NRXN3: variants seen among roughly 807,000 people sequenced by gnomAD.
NRXN3 encodes the protein neurexin III.
In NRXN3, 32 loss-of-function variants were observed where a neutral mutation model predicts 137.6. That is an observed-to-expected ratio of 0.23 (90% confidence interval 0.18 to 0.31). NRXN3 has a LOEUF of 0.31. NRXN3 is among the 10% of genes least tolerant of loss of function. NRXN3 has a pLI of 1.00. For synonymous variants in NRXN3, 798 were observed against 784.5 expected, an observed-to-expected ratio of 1.02 and a Z score of -0.29; for missense variants, 1,574 against 2,062.5, an observed-to-expected ratio of 0.76 and a Z score of 4.59.
intron 4 of NRXN3, among the ~76,000 whole-genome samples, chr14:78,603,787 G>A (rs999398273): frequency 6.6e-6 from 1 of 152,110 alleles, no homozygotes; most frequent in Admixed American, 6.5e-5. Flanking sequence ...GGAGCACCTA[G>A]ACTAGCCCCA....
intron 16 of NRXN3, among the ~76,000 whole-genome samples, chr14:79,559,814 T>C (rs2097471633): frequency 6.6e-6 from 1 of 152,206 alleles, no homozygotes; most frequent in Non-Finnish European, 1.5e-5. Flanking sequence ...AGTAGTTGGA[T>C]AAATTGTTTG....
At position 78,243,267 on chromosome 14, in the gene NRXN3, C is replaced by T. The variant is rs573496705; in HGVS notation, c.174C>T (p.Asn58=). Residue 58 remains asparagine (N), a synonymous_variant, in exon 2 of 21, where the codon AAC becomes AAT. Coordinates refer to ENST00000335750, the MANE Select transcript of NRXN3 (RefSeq NM_001330195.2). The surrounding 1 kb of genome is among the most constrained non-coding windows in gnomAD (Gnocchi z 4.2). ...RSDLSFQFKT[N]VSTGLLLYLD... ...ACCTGAGTTTCCAGTTCAAGACCAA[C>T]GTCTCTACGGGGCTGCTCCTCTACC... 13 of 1,560,420 alleles carry T rather than the reference C, an allele frequency of 8.3e-6. No individual in the cohort carries two copies. The highest frequency in any genetic ancestry group is 1.7e-4 in the Middle Eastern group (1 of 6,022).
intron 15 of NRXN3, among the ~76,000 whole-genome samples, chr14:79,011,506 C>T (rs906009649): frequency 6.6e-6 from 1 of 151,334 alleles, no homozygotes; most frequent in African/African-American, 2.4e-5. Flanking sequence ...TGGGTTTTCT[C>T]TATCATTATC....
chr14:79,727,014 AT>A (rs1397237142), intron 19 of NRXN3, among the ~76,000 whole-genome samples: 3 of 152,176 alleles, frequency 2.0e-5, no homozygotes, highest in Non-Finnish European at 2.9e-5. Context: ...AGTACCTAGC[AT>A]AGTATCTGGC....
chr14:79,806,419 C>G (rs1218767550), intron 20 of NRXN3, among the ~76,000 whole-genome samples: 1 of 152,084 alleles, frequency 6.6e-6, no homozygotes, highest in African/African-American at 2.4e-5. Context: ...TAGTATGACA[C>G]AGGGACACAT....
chr14:78,506,478 A>G (rs546577350), intron 4 of NRXN3, among the ~76,000 whole-genome samples: 32 of 151,994 alleles, frequency 2.1e-4, no homozygotes, highest in Middle Eastern at 3.4e-3. Flanking sequence ...TTTATTTTTA[A>G]TCTTTTGAGT....
chr14:78,974,839 A>T (rs1411375170), intron 14 of NRXN3, among the ~76,000 whole-genome samples: 2 of 152,182 alleles, frequency 1.3e-5, no homozygotes, highest in Admixed American at 1.3e-4. Context: ...ATTACCATGA[A>T]GTATGAAGGG....
chr14:78,830,286 C>T (rs2098978122), intron 10 of NRXN3, among the ~76,000 whole-genome samples: 1 of 152,030 alleles, frequency 6.6e-6, no homozygotes, highest in Non-Finnish European at 1.5e-5. Context: ...ATAGGCTTGA[C>T]AAACTGGTGA....
intron 6 of NRXN3, among the ~76,000 whole-genome samples, chr14:78,707,983 C>T (rs1388776330): frequency 2.0e-5 from 3 of 152,186 alleles, no homozygotes; most frequent in Non-Finnish European, 4.4e-5. Context: ...CACAATTTTG[C>T]AATTGGAAAT....
intron 15 of NRXN3, among the ~76,000 whole-genome samples, chr14:79,057,868 G>GT (rs1171564564): frequency 1.3e-5 from 2 of 151,796 alleles, no homozygotes; most frequent in East Asian, 1.9e-4. Flanking sequence ...ATGAGACGAG[G>GT]TTAAAAAAAA....
intron 15 of NRXN3, among the ~76,000 whole-genome samples, chr14:79,316,721 G>T (rs2088797723): frequency 7.9e-6 from 1 of 125,958 alleles, no homozygotes; most frequent in East Asian, 2.2e-4. Context: ...CATGTAATCT[G>T]TCCTGTCCCT....
At chr14:78,621,186 A>T (rs1338615011) in intron 4 of NRXN3, among the ~76,000 whole-genome samples, 1 of 152,168 alleles carries the variant, frequency 6.6e-6, no homozygotes, top group Non-Finnish European at 1.5e-5. Flanking sequence ...TGGCTCTTGC[A>T]TGGTCCACAT....
At chr14:79,448,306 C>G (rs2096100929) in intron 15 of NRXN3, among the ~76,000 whole-genome samples, 1 of 152,212 alleles carries the variant, frequency 6.6e-6, no homozygotes, top group South Asian at 2.1e-4. Context: ...CCCTTCCCAA[C>G]CCATTCTAAA....
intron 7 of NRXN3, among the ~76,000 whole-genome samples, chr14:78,713,721 C>T (rs530234611): frequency 7.2e-5 from 11 of 152,198 alleles, no homozygotes; most frequent in Non-Finnish European, 1.6e-4. Context: ...ACACGTCCTT[C>T]TTCATATGGC....
chr14:78,513,430 G>A lies in NRXN3; in HGVS notation c.758-131690G>A, dbSNP rs937804890. 2.0e-5 allele frequency among the ~76,000 whole-genome samples: 3 copies of A among 152,124 alleles called. No homozygotes were observed. In the East Asian group the frequency reaches 5.8e-4, roughly 29 times the overall value. ...AGGAAGGGTAGATTAGAGAGCAGGA[G>A]ATAGTGAAAAATTACAGTTATTTCA... On this transcript the variant is annotated intron_variant, in intron 4 of 20. Coordinates refer to ENST00000335750, the MANE Select transcript of NRXN3 (RefSeq NM_001330195.2).
chr14:79,807,952 C>G (rs1348606656), intron 20 of NRXN3, among the ~76,000 whole-genome samples: 3 of 152,034 alleles, frequency 2.0e-5, no homozygotes, highest in Non-Finnish European at 1.5e-5. Flanking sequence ...CCCAGAGGAC[C>G]TGATTTCCAC....
At chr14:79,217,943 C>T (rs2068831884) in intron 15 of NRXN3, among the ~76,000 whole-genome samples, 1 of 152,158 alleles carries the variant, frequency 6.6e-6, no homozygotes, top group South Asian at 2.1e-4. Flanking sequence ...AACAGAAATT[C>T]ATTTGCCTCT....
intron 2 of NRXN3, among the ~76,000 whole-genome samples, chr14:78,276,877 A>G (rs1345828926): frequency 6.6e-6 from 1 of 152,204 alleles, no homozygotes; most frequent in East Asian, 1.9e-4. Flanking sequence ...ATTAAGGGGT[A>G]TTTTAACATC....
At chr14:78,831,408 C>T (rs1445004607) in intron 10 of NRXN3, among the ~76,000 whole-genome samples, 3 of 151,746 alleles carry the variant, frequency 2.0e-5, no homozygotes, top group Middle Eastern at 3.4e-3. Context: ...TGGTTGTAGG[C>T]GCCTGTAATC....
Sources: allele counts gnomAD v4.1 joint callset (sites outside exome capture counted in the v4.1 genomes callset), GRCh38; gene constraint gnomAD v4.1.1; non-coding constraint Gnocchi (gnomAD v3.1); transcripts MANE v1.5; gene names NCBI Gene and HGNC (gene_info 2026-07-23, HGNC 2026-07-21).